Variants in KIAA1217 observed in about 807,000 individuals in gnomAD.
KIAA1217 encodes the protein sickle tail protein homolog.
KIAA1217 carries 88 observed loss-of-function variants against 163.9 expected under a neutral mutation model. The observed-to-expected ratio is 0.54, with a 90% confidence interval of 0.45 to 0.64. The LOEUF is 0.64. Among genes scored for constraint, KIAA1217 ranks in the 30% least tolerant of loss-of-function variants. The probability of loss-of-function intolerance (pLI) is 0.00; values close to 1 mark genes in which losing one functional copy is unlikely to be tolerated. For missense variants in KIAA1217, 2,372 were observed against 2,475.0 expected (o/e 0.96, Z 0.88); for synonymous variants, 903 against 923.1 (o/e 0.98, Z 0.39).
chr10:23,706,620 T>C (rs952355505), intron 1 of KIAA1217, among the ~76,000 whole-genome samples: 1 of 152,244 alleles, frequency 6.6e-6, no homozygotes, highest in Non-Finnish European at 1.5e-5. Flanking sequence ...TAAATTCTAC[T>C]TGATTATGTT....
At chr10:23,734,990 T>G (rs1838709964) in intron 1 of KIAA1217, among the ~76,000 whole-genome samples, 1 of 152,130 alleles carries the variant, frequency 6.6e-6, no homozygotes, top group Non-Finnish European at 1.5e-5. Context: ...AGCCCCAGTA[T>G]GTGTTTTTCC....
intron 1 of KIAA1217, among the ~76,000 whole-genome samples, chr10:23,722,211 A>G (rs1461372529): frequency 6.6e-6 from 1 of 152,152 alleles, no homozygotes; most frequent in Non-Finnish European, 1.5e-5. Context: ...GCTATTGTTT[A>G]ATGAGATTAA....
chr10:24,490,590 G>A (rs2065981220), intron 6 of KIAA1217, among the ~76,000 whole-genome samples: 1 of 152,160 alleles, frequency 6.6e-6, no homozygotes, highest in Admixed American at 6.5e-5. Context: ...TATGAATCCT[G>A]AAACCAGACA....
chr10:24,498,884 C>G (rs2067155105), intron 8 of KIAA1217, among the ~76,000 whole-genome samples: 1 of 152,178 alleles, frequency 6.6e-6, no homozygotes, highest in African/African-American at 2.4e-5. Flanking sequence ...CAACTAGTAC[C>G]TAGTCTTCAG....
intron 2 of KIAA1217, among the ~76,000 whole-genome samples, chr10:24,229,426 T>C (rs1177658267): frequency 6.6e-6 from 1 of 152,232 alleles, no homozygotes; most frequent in East Asian, 1.9e-4. Context: ...GATGGGAGAA[T>C]AGCCACATGT....
intron 1 of KIAA1217, among the ~76,000 whole-genome samples, chr10:23,751,471 G>A (rs899202033): frequency 6.6e-6 from 1 of 152,126 alleles, no homozygotes; most frequent in South Asian, 2.1e-4. Flanking sequence ...TGCAGAAAAT[G>A]AGTCTTCTAG....
intron 2 of KIAA1217, among the ~76,000 whole-genome samples, chr10:24,284,416 G>C (rs11818394): frequency 0.32 from 48,165 of 151,880 alleles, 8,303 homozygotes; most frequent in Admixed American, 0.47. Context: ...CCCAGTGTCT[G>C]TTGTTCCCAT....
At chr10:24,540,000 C>T (rs1444297799) in intron 17 of KIAA1217, among the ~76,000 whole-genome samples, 1 of 152,160 alleles carries the variant, frequency 6.6e-6, no homozygotes, top group East Asian at 1.9e-4. Flanking sequence ...AATTACCTTT[C>T]ACCCAGAGTC....
chr10:24,004,756 G>A (rs1048000910), intron 1 of KIAA1217, among the ~76,000 whole-genome samples: 2 of 152,204 alleles, frequency 1.3e-5, no homozygotes, highest in Non-Finnish European at 2.9e-5. Context: ...CTCACATGCA[G>A]AAAGGGAAAA....
intron 1 of KIAA1217, among the ~76,000 whole-genome samples, chr10:24,006,578 C>T (rs1004544649): frequency 1.3e-5 from 2 of 152,152 alleles, no homozygotes; most frequent in Non-Finnish European, 2.9e-5. Context: ...ATCCCAAAAC[C>T]CTCCTCCACA....
At chr10:24,535,333 A>G (rs887578985) in intron 16 of KIAA1217, among the ~76,000 whole-genome samples, 2 of 152,338 alleles carry the variant, frequency 1.3e-5, no homozygotes, top group African/African-American at 4.8e-5. Context: ...AAAGTCCCTC[A>G]TCAGCCACCT....
chr10:24,475,078 G>T, intron 6 of KIAA1217, among the ~76,000 whole-genome samples: 1 of 152,140 alleles, frequency 6.6e-6, no homozygotes, highest in South Asian at 2.1e-4. Context: ...AATTAGTCGG[G>T]TGTGGTGGCA....
chr10:23,757,280 T>G (rs576434846), intron 1 of KIAA1217, among the ~76,000 whole-genome samples: 52 of 152,288 alleles, frequency 3.4e-4, no homozygotes, highest in Non-Finnish European at 6.3e-4. Flanking sequence ...ATTTTTAATT[T>G]CTTGAGGAAC....
At chr10:23,729,497 G>C (rs950045503) in intron 1 of KIAA1217, among the ~76,000 whole-genome samples, 1 of 152,070 alleles carries the variant, frequency 6.6e-6, no homozygotes, top group East Asian at 1.9e-4. Context: ...TATTTTAATA[G>C]GTATGTACTA....
At chr10:24,321,331 G>C (rs1348806871) in intron 2 of KIAA1217, among the ~76,000 whole-genome samples, 2 of 152,076 alleles carry the variant, frequency 1.3e-5, no homozygotes, top group African/African-American at 2.4e-5. Context: ...GTGAGGTCAA[G>C]AGTTCGAGAC....
intron 1 of KIAA1217, among the ~76,000 whole-genome samples, chr10:23,739,656 A>G (rs9730770): frequency 0.23 from 34,842 of 152,036 alleles, 4,329 homozygotes; most frequent in African/African-American, 0.32. Context: ...GGTATGAGCA[A>G]AGGCATGGCA....
At chr10:24,087,331 TA>T (rs1452182120) in intron 2 of KIAA1217, among the ~76,000 whole-genome samples, 3 of 152,224 alleles carry the variant, frequency 2.0e-5, no homozygotes, top group Non-Finnish European at 4.4e-5. Context: ...AAGGTGCTTC[TA>T]AAGTGAGGGT....
intron 2 of KIAA1217, among the ~76,000 whole-genome samples, chr10:24,291,555 A>G (rs1351315126): frequency 6.6e-6 from 1 of 151,998 alleles, no homozygotes; most frequent in Non-Finnish European, 1.5e-5. Context: ...TCACTCAATC[A>G]TTTCACTTCT....
At chr10:23,701,500 G>A (rs1836446736) in intron 1 of KIAA1217, among the ~76,000 whole-genome samples, 1 of 152,152 alleles carries the variant, frequency 6.6e-6, no homozygotes, top group Non-Finnish European at 1.5e-5. Context: ...TTTTGGGTTT[G>A]CCTCTTGCTG....
Sources: allele counts gnomAD v4.1 joint callset (sites outside exome capture counted in the v4.1 genomes callset), GRCh38; gene constraint gnomAD v4.1.1; transcripts MANE v1.5; gene names NCBI Gene and HGNC (gene_info 2026-07-23, HGNC 2026-07-21).